Variants in SLC9A9 observed in about 807,000 individuals in gnomAD.
SLC9A9 encodes solute carrier family 9 member A9.
A neutral mutation model predicts 77.8 loss-of-function variants in SLC9A9; 62 were observed. The ratio of observed to expected loss-of-function variants is 0.80; its 90% CI spans 0.65 to 0.98. SLC9A9 has a LOEUF of 0.98. Ranked by LOEUF, SLC9A9 falls within the 50% of genes least tolerant of loss-of-function variation. SLC9A9 has a pLI of 0.00. For missense variants in SLC9A9, 775 were observed against 774.9 expected, an observed-to-expected ratio of 1.00 and a Z score of 0.00; for synonymous variants, 320 against 283.5, an observed-to-expected ratio of 1.13 and a Z score of -1.29.
chr3:143,701,300 T>C (rs1933794804), intron 4 of SLC9A9, among the ~76,000 whole-genome samples: 1 of 151,866 alleles, frequency 6.6e-6, no homozygotes, highest in African/African-American at 2.4e-5. Context: ...CCTCACCAAG[T>C]GAACTAAATA....
rs1256992692 is a variant in SLC9A9 at position 143,371,971 on chromosome 3, C to A, written c.1525-8408G>T. 2.4e-5 allele frequency: 10 copies of A among 414,988 alleles called. No homozygotes were observed. The East Asian group carries it at 4.9e-4, about 20-fold the overall frequency. The allele number at this position is 414,988 out of a possible 1,614,324, so 25.7% of individuals were successfully genotyped here. On this transcript the variant is annotated intron_variant, in intron 13 of 15. Coordinates refer to ENST00000316549, the MANE Select transcript of SLC9A9 (RefSeq NM_173653.4). ...AAGAACTCAATCCCTTTTACAACAG[C>A]TTCAAAGAAAGATAAAATACCTAGG...
At chr3:143,677,241 T>A (rs925040559) in intron 5 of SLC9A9, among the ~76,000 whole-genome samples, 3 of 152,014 alleles carry the variant, frequency 2.0e-5, no homozygotes, top group Non-Finnish European at 4.4e-5. Context: ...TACACACAGA[T>A]ATGCATGGGG....
At chr3:143,355,593 AGTGGAATGTCTGTGTGTTTC>A (rs755280878) in intron 14 of SLC9A9, among the ~76,000 whole-genome samples, 2 of 152,220 alleles carry the variant, frequency 1.3e-5, no homozygotes, top group Non-Finnish European at 2.9e-5. Flanking sequence ...AAAAACCAAC[AGTGGAATGTCTGTGTGTTTC>A]TTTATACCAT....
At chr3:143,278,110 C>G (rs761002178) in intron 14 of SLC9A9, among the ~76,000 whole-genome samples, 1 of 152,136 alleles carries the variant, frequency 6.6e-6, no homozygotes, top group Admixed American at 6.5e-5. Context: ...AACTCATGGG[C>G]AAGGATCCCA....
At chr3:143,796,498 TA>T (rs2108859352) in intron 3 of SLC9A9, among the ~76,000 whole-genome samples, 1 of 152,312 alleles carries the variant, frequency 6.6e-6, no homozygotes, top group South Asian at 2.1e-4. Flanking sequence ...GAAATCAATA[TA>T]AAACATTATG....
intron 14 of SLC9A9, chr3:143,343,351 C>G (rs1470148505): frequency 1.3e-5 from 2 of 151,962 alleles, no homozygotes; most frequent in African/African-American, 4.8e-5. Context: ...ATTTTCTAGG[C>G]AAAGCGTGGG....
intron 14 of SLC9A9, among the ~76,000 whole-genome samples, chr3:143,324,160 T>C (rs2031506101): frequency 6.6e-6 from 1 of 151,886 alleles, no homozygotes; most frequent in South Asian, 2.1e-4. Context: ...TGGGAGGGGG[T>C]AGAGGGAGGG....
At chr3:143,451,340 C>T (rs1013940879) in intron 12 of SLC9A9, among the ~76,000 whole-genome samples, 4 of 152,068 alleles carry the variant, frequency 2.6e-5, no homozygotes, top group African/African-American at 9.7e-5. Flanking sequence ...TGGTAGAATC[C>T]AGCACTTATT....
intron 9 of SLC9A9, chr3:143,504,084 C>A: frequency 2.0e-6 from 1 of 503,412 alleles, no homozygotes; most frequent in Non-Finnish European, 3.9e-6. Flanking sequence ...GCTTCCCGTT[C>A]TCAGCCTTGA....
chr3:143,740,597 A>G (rs185244680), intron 4 of SLC9A9, among the ~76,000 whole-genome samples: 90 of 152,360 alleles, frequency 5.9e-4, no homozygotes, highest in African/African-American at 1.9e-3. Context: ...ACAATTAGTG[A>G]TATGCTTTGA....
chr3:143,534,531 A>G (rs928575997), intron 9 of SLC9A9, among the ~76,000 whole-genome samples: 1 of 152,134 alleles, frequency 6.6e-6, no homozygotes, highest in African/African-American at 2.4e-5. Flanking sequence ...CTGCTTGGAT[A>G]CAGATGGTGG....
At chr3:143,420,367 T>G (rs572092627) in intron 12 of SLC9A9, among the ~76,000 whole-genome samples, 1 of 152,354 alleles carries the variant, frequency 6.6e-6, no homozygotes, top group African/African-American at 2.4e-5. Flanking sequence ...CACTTAAGCA[T>G]GACAGTTAAA....
Position 143,467,137 on chromosome 3 carries a change from G to T in SLC9A9, c.1369C>A (p.Pro457Thr), listed in dbSNP as rs1243602207. The change falls in exon 12 of 16, where the codon CCC becomes ACC. Residue 457 changes from proline to threonine, a missense_variant. Pro to Thr is a conservative substitution (Grantham distance 38). Transcript: ENST00000316549. ...GTAGTGGTAAACATCATTTGTTTGG[G>T]CTGAGATTCTGTGTTCCGAATAGCT... ...ALAIRNTESQ[P>T]KQMMFTTTLL... 2.5e-6 allele frequency: 4 copies of T among 1,614,052 alleles called. No individual in the cohort carries two copies. In the African/African-American group the frequency reaches 5.3e-5, roughly 22 times the overall value.
At chr3:143,398,994 TACAC>T (rs528337032) in intron 12 of SLC9A9, among the ~76,000 whole-genome samples, 173 of 115,438 alleles carry the variant, frequency 1.5e-3, no homozygotes, top group African/African-American at 5.3e-3. Context: ...ATTTGTTGTA[TACAC>T]ACACACACAT....
chr3:143,672,479 A>G (rs1293732260), intron 5 of SLC9A9, among the ~76,000 whole-genome samples: 2 of 152,216 alleles, frequency 1.3e-5, no homozygotes, highest in Non-Finnish European at 2.9e-5. Context: ...AACTTTTCTG[A>G]TTATGCCAAT....
chr3:143,762,642 A>G (rs548109080), intron 4 of SLC9A9, among the ~76,000 whole-genome samples: 2 of 152,182 alleles, frequency 1.3e-5, no homozygotes, highest in Non-Finnish European at 2.9e-5. Context: ...TCTCAAGTTT[A>G]TCTGAGCTTG....
In SLC9A9 at chr3:143,348,016, AT is replaced by A. The variant is rs11397226; in HGVS notation, c.1604+15467del. ...AAGCTGGATAAGAAGTTAAGCAGTA[AT>A]TTTTTTTTTTTTTTTTAGAGGGAAT... is the stretch of plus-strand genomic sequence containing the variant. On this transcript the variant is annotated intron_variant, in intron 14 of 15. Coordinates refer to ENST00000316549, the MANE Select transcript of SLC9A9 (RefSeq NM_173653.4). 4.8e-3 allele frequency among the ~76,000 whole-genome samples: 684 copies of A among 142,252 alleles called. 1 individual carries two copies. The highest frequency in any genetic ancestry group is 0.011 in the Middle Eastern group (3 of 266). The allele number at this position is 142,252 out of a possible 152,430, so 93.3% of individuals were successfully genotyped here.
chr3:143,705,044 TAGATATAG>T lies in SLC9A9; in HGVS notation c.534-11745_534-11738del, dbSNP rs140628558. ...CTATCTATCTATCTATCTATCTATA[TAGATATAG>T]ATATAGATATATAGATATATATATT... On this transcript the variant is annotated intron_variant, in intron 4 of 15. Coordinates refer to ENST00000316549, the MANE Select transcript of SLC9A9 (RefSeq NM_173653.4). Among the ~76,000 whole-genome samples the T allele has an allele frequency of 6.7e-3, 943 of 140,686 alleles. 8 individuals carry two copies. Among genetic ancestry groups the T allele is most frequent in the African/African-American group, 0.02 (738 of 37,300 alleles). 92.3% of individuals were successfully genotyped at this position (140,686 alleles called of 152,430 possible). A position where few individuals can be genotyped will look rare whatever the true frequency, so the allele number is the denominator to read the frequency against.
intron 6 of SLC9A9, among the ~76,000 whole-genome samples, chr3:143,614,423 A>G (rs1352097890): frequency 2.0e-5 from 3 of 152,220 alleles, no homozygotes; most frequent in Non-Finnish European, 4.4e-5. Context: ...ACTGAGCCAC[A>G]AAGCATATTC....
Sources: allele counts gnomAD v4.1 joint callset (sites outside exome capture counted in the v4.1 genomes callset), GRCh38; gene constraint gnomAD v4.1.1; transcripts MANE v1.5; gene names NCBI Gene and HGNC (gene_info 2026-07-23, HGNC 2026-07-21).